The following HPN variants were observed in gnomAD, a reference collection of about 807,000 sequenced individuals.
HPN encodes hepsin.
Under a neutral mutation model 55.9 loss-of-function variants are expected in HPN, and 13 were observed. The ratio of observed to expected loss-of-function variants is 0.23; its 90% CI spans 0.15 to 0.37. The LOEUF (loss-of-function observed/expected upper bound fraction) is 0.37. Ranked by LOEUF, HPN falls within the 10% of genes least tolerant of loss-of-function variation. The pLI, the probability that HPN is intolerant of heterozygous loss-of-function variation, is 1.00. For synonymous variants in HPN, 225 were observed against 240.3 expected, an observed-to-expected ratio of 0.94 and a Z score of 0.59; for missense variants, 451 against 575.8, an observed-to-expected ratio of 0.78 and a Z score of 2.22.
upstream of HPN, chr19:35,040,531 C>CCTGAGGGCCCACAGGTGAAGCCA (rs1206950086): frequency 1.3e-5 from 2 of 152,338 alleles, no homozygotes; most frequent in African/African-American, 4.9e-5. Context: ...AGGGACCCTA[C>CCTGAGGGCCCACAGGTGAAGCCA]CTGAGGGCCC....
chr19:35,041,672 G>GCCCCCCCCCCCCC, upstream of HPN: 1 of 1,130,684 alleles, frequency 8.8e-7, no homozygotes, highest in Non-Finnish European at 1.1e-6. Context: ...GAATGGTCCG[G>GCCCCCCCCCCCCC]CCCCTCCCCG....
intron 1 of HPN, 99 bp from the exon 2 acceptor site, chr19:35,042,354 C>G: frequency 1.4e-6 from 2 of 1,452,734 alleles, no homozygotes; most frequent in Non-Finnish European, 9.0e-7. Context: ...AAGGCCCAGT[C>G]CCTACAGCCT....
At position 35,059,707 on chromosome 19, in the gene HPN, C is replaced by A; in HGVS notation, c.195C>A (p.Val65=). Residue 65 remains valine (V), a synonymous_variant, in exon 5 of 13, where the codon GTC becomes GTA. Transcript: ENST00000672452. The stretch of plus-strand genomic sequence containing the variant: ...GCTCTGCGGACGCTCGGCTCATGGT[C>A]TTTGACAAGACGGAAGGGACGTGGC... The part of the protein sequence containing the change: ...QVSSADARLM[V]FDKTEGTWRL... 1 of 1,600,966 alleles carries A rather than the reference C, an allele frequency of 6.2e-7. No individual in the cohort carries two copies. Among genetic ancestry groups the A allele is most frequent in the South Asian group, 1.1e-5 (1 of 88,718 alleles).
chr19:35,063,580 G>C (rs926004203), intron 9 of HPN, among the ~76,000 whole-genome samples: 1 of 152,186 alleles, frequency 6.6e-6, no homozygotes, highest in Non-Finnish European at 1.5e-5. Context: ...GTAGTGGCAG[G>C]CACCTGTAGT....
rs559530875 is a variant in HPN, at chr19:35,055,747, G to A, written c.161-3926G>A. The stretch of plus-strand genomic sequence containing the variant: ...GCCCCCCAATCATATCCCACAAAGG[G>A]GATATGACTCACTCACTTAACCGGC... On this transcript the variant is annotated intron_variant, in intron 4 of 12. Transcript: ENST00000672452. Among the ~76,000 whole-genome samples the A allele has an allele frequency of 2.0e-4, 30 of 151,764 alleles. No homozygotes were observed. In the South Asian group the frequency reaches 5.2e-3, roughly 26 times the overall value.
intron 4 of HPN, chr19:35,050,473 A>G (rs1000833033): frequency 1.6e-6 from 2 of 1,286,064 alleles, no homozygotes; most frequent in Non-Finnish European, 2.0e-6. Flanking sequence ...CAGAGAGGAC[A>G]TGCAGCTGGG....
intron 2 of HPN, among the ~76,000 whole-genome samples, chr19:35,047,424 C>A (rs1468948926): frequency 6.6e-6 from 1 of 152,224 alleles, no homozygotes; most frequent in African/African-American, 2.4e-5. Flanking sequence ...TAGGGGAGGC[C>A]CTGTGATCCC....
At chr19:35,045,218 C>G (rs2064330323) in intron 2 of HPN, among the ~76,000 whole-genome samples, 2 of 152,030 alleles carry the variant, frequency 1.3e-5, no homozygotes, top group Non-Finnish European at 2.9e-5. Context: ...GTGAGACAGA[C>G]TTAGGGGCAA....
In HPN at chr19:35,060,759, CGAG is replaced by C; in HGVS notation, c.757_759del (p.Glu253del). 6.2e-7 allele frequency: 1 copy of C among 1,612,766 alleles called. No homozygotes were observed. Among genetic ancestry groups the C allele is most frequent in the Non-Finnish European group, 8.5e-7 (1 of 1,179,356 alleles). On this transcript the variant is annotated inframe_deletion, in exon 9 of 13. Transcript: ENST00000672452. ...ATCTTCCCTTTCGGGACCCCAACAGCGAGGAGAACAGCAACGATATTGCCCTGG... is the reference window on the plus strand; with the variant it reads ...ATCTTCCCTTTCGGGACCCCAACAGCGAGAACAGCAACGATATTGCCCTGG...
chr19:35,046,329 C>T (rs549502433), intron 2 of HPN, among the ~76,000 whole-genome samples: 8 of 152,018 alleles, frequency 5.3e-5, no homozygotes, highest in Non-Finnish European at 8.8e-5. Flanking sequence ...ACTGCAACCT[C>T]CACCTCCCGG....
At chr19:35,045,068 A>G (rs1296688527) in intron 2 of HPN, among the ~76,000 whole-genome samples, 1 of 152,004 alleles carries the variant, frequency 6.6e-6, no homozygotes, top group Non-Finnish European at 1.5e-5. Context: ...ACATTCTGGG[A>G]CCTGGTAGGG....
At chr19:35,065,199 A>T in intron 9 of HPN, 51 bp from the exon 10 acceptor site, 1 of 1,337,482 alleles carries the variant, frequency 7.5e-7, no homozygotes, top group African/African-American at 1.4e-5. Context: ...AGAGGTTTGT[A>T]CCAGGTGGGG....
At chr19:35,060,961 C>A in intron 9 of HPN, 144 bp downstream of exon 9, 1 of 730,730 alleles carries the variant, frequency 1.4e-6, no homozygotes, top group Non-Finnish European at 2.2e-6. Flanking sequence ...CAAAGTGGGC[C>A]TTAACTATCA....
At chr19:35,048,081 A>AG (rs2064365697) in intron 2 of HPN, among the ~76,000 whole-genome samples, 1 of 35,180 alleles carries the variant, frequency 2.8e-5, no homozygotes, top group Non-Finnish European at 5.3e-5. Context: ...AGAAAGAAAG[A>AG]AAAGGAAGGA....
chr19:35,051,247 T>A (rs531899299), intron 4 of HPN, among the ~76,000 whole-genome samples: 1 of 152,270 alleles, frequency 6.6e-6, no homozygotes, highest in South Asian at 2.1e-4. Context: ...TAGCTAGGAC[T>A]ACAGGCACGT....
intron 4 of HPN, chr19:35,050,308 G>C (rs978983672): frequency 2.2e-4 from 88 of 396,238 alleles, no homozygotes; most frequent in African/African-American, 1.7e-3. Context: ...ATTTTTAGTA[G>C]AGATGAGATT....
chr19:35,046,189 G>T (rs2064340130), intron 2 of HPN, among the ~76,000 whole-genome samples: 1 of 152,166 alleles, frequency 6.6e-6, no homozygotes, highest in Non-Finnish European at 1.5e-5. Context: ...GCCCACTGGG[G>T]CCTCTTTTGG....
rs552220488 is a variant in HPN, at chr19:35,042,824, G to A, written c.16+302G>A. 5.9e-5 allele frequency among the ~76,000 whole-genome samples: 9 copies of A among 152,270 alleles called. No homozygotes were observed. In the South Asian group the frequency reaches 1.9e-3, roughly 32 times the overall value. On this transcript the variant is annotated intron_variant, in intron 2 of 12. Transcript: ENST00000672452. The stretch of plus-strand genomic sequence containing the variant: ...TTGTCCTCTGCTGGGGCTGAGGCGG[G>A]GAAGCTGTAGCTGTCATGGTTAAGG...
At chr19:35,053,003 C>T (rs1297175282) in intron 4 of HPN, among the ~76,000 whole-genome samples, 1 of 152,148 alleles carries the variant, frequency 6.6e-6, no homozygotes, top group East Asian at 1.9e-4. Flanking sequence ...CAAACAAAAA[C>T]AACCCCAAGC....
Sources: gnomAD v4.1 joint callset for allele counts (sites outside exome capture counted in the v4.1 genomes callset) on GRCh38, gnomAD v4.1.1 for gene constraint, MANE v1.5 for transcripts, NCBI Gene and HGNC (gene_info 2026-07-23, HGNC 2026-07-21) for gene names.